Variants in CERS6 observed in about 807,000 individuals in gnomAD.
The protein encoded by CERS6 is ceramide synthase 6, also known as LAG1 homolog, ceramide synthase 6.
Under a neutral mutation model 56.8 loss-of-function variants are expected in CERS6, and 26 were observed. The ratio of observed to expected loss-of-function variants is 0.46; its 90% CI spans 0.34 to 0.63. The LOEUF (loss-of-function observed/expected upper bound fraction) is 0.63, where lower values mean the gene tolerates loss of function less well. CERS6 is among the 30% of genes least tolerant of loss of function. The probability of loss-of-function intolerance (pLI) is 0.01; values close to 1 mark genes in which losing one functional copy is unlikely to be tolerated. For missense variants in CERS6, 415 were observed against 467.5 expected, an observed-to-expected ratio of 0.89 and a Z score of 1.04; for synonymous variants, 164 against 173.3, an observed-to-expected ratio of 0.95 and a Z score of 0.42.
intron 2 of CERS6, among the ~76,000 whole-genome samples, chr2:168,552,136 T>C (rs1695583683): frequency 6.6e-6 from 1 of 152,176 alleles, no homozygotes. Flanking sequence ...TCCTCAATAA[T>C]CTATTTCCTT....
At chr2:168,466,490 A>G (rs2105321092) in intron 1 of CERS6, among the ~76,000 whole-genome samples, 1 of 152,338 alleles carries the variant, frequency 6.6e-6, no homozygotes. Context: ...CAAATGATTC[A>G]AACACTTGAG....
chr2:168,511,006 T>A (rs7599295), intron 1 of CERS6, among the ~76,000 whole-genome samples: 13,630 of 152,218 alleles, frequency 0.09, 1,223 homozygotes, highest in African/African-American at 0.22. Context: ...TATAGCACCC[T>A]CACTGTTTAT....
At chr2:168,591,835 A>G (rs1683678269) in intron 3 of CERS6, among the ~76,000 whole-genome samples, 1 of 152,252 alleles carries the variant, frequency 6.6e-6, no homozygotes, top group South Asian at 2.1e-4. Context: ...AAACTTCGTT[A>G]GATTTTAGAG....
chr2:168,552,320 T>A, intron 2 of CERS6, among the ~76,000 whole-genome samples: 2 of 134,490 alleles, frequency 1.5e-5, no homozygotes, highest in African/African-American at 5.6e-5. Context: ...GAAAGAACAA[T>A]AAGAAACCCC....
intron 2 of CERS6, among the ~76,000 whole-genome samples, chr2:168,553,014 C>T (rs1246343419): frequency 1.3e-5 from 2 of 151,790 alleles, no homozygotes; most frequent in African/African-American, 4.8e-5. Context: ...AATATAAGAA[C>T]TAAAGAAAGA....
intron 3 of CERS6, among the ~76,000 whole-genome samples, chr2:168,572,752 A>G (rs1241393912): frequency 6.6e-6 from 1 of 152,038 alleles, no homozygotes. Context: ...GAGCACTTGG[A>G]GACTTGCCGT....
At chr2:168,597,436 C>G (rs1052602654) in intron 3 of CERS6, among the ~76,000 whole-genome samples, 5 of 152,140 alleles carry the variant, frequency 3.3e-5, no homozygotes, top group Non-Finnish European at 5.9e-5. Flanking sequence ...ATGAATCTGT[C>G]GGATGACCAC....
At chr2:168,525,121 A>C (rs1240975472) in intron 1 of CERS6, among the ~76,000 whole-genome samples, 1 of 152,204 alleles carries the variant, frequency 6.6e-6, no homozygotes, top group Non-Finnish European at 1.5e-5. Context: ...CCACAGGTGC[A>C]GTGTGGGCTG....
At chr2:168,525,244 G>T (rs73020568) in intron 1 of CERS6, among the ~76,000 whole-genome samples, 6,419 of 152,246 alleles carry the variant, frequency 0.042, 446 homozygotes, top group African/African-American at 0.14. Flanking sequence ...TTAAACCCAG[G>T]TTGCTAGGCC....
chr2:168,563,804 G>C (rs1695835800), intron 3 of CERS6, among the ~76,000 whole-genome samples: 1 of 152,054 alleles, frequency 6.6e-6, no homozygotes. Flanking sequence ...CTCAAAAAAA[G>C]AAAATAACCA....
At chr2:168,459,523 A>C (rs969220782) in intron 1 of CERS6, among the ~76,000 whole-genome samples, 1 of 152,210 alleles carries the variant, frequency 6.6e-6, no homozygotes, top group African/African-American at 2.4e-5. Flanking sequence ...GAGTCTGTGA[A>C]GATCTCAAAG....
intron 3 of CERS6, among the ~76,000 whole-genome samples, chr2:168,625,188 A>T (rs1181045405): frequency 6.6e-6 from 1 of 152,206 alleles, no homozygotes; most frequent in African/African-American, 2.4e-5. Flanking sequence ...CGATTTCAGA[A>T]TCAAAAGAAC....
intron 3 of CERS6, among the ~76,000 whole-genome samples, chr2:168,569,706 C>A (rs1032147323): frequency 1.3e-5 from 2 of 152,158 alleles, no homozygotes; most frequent in African/African-American, 4.8e-5. Flanking sequence ...GGTAGCAGGA[C>A]CAGTGGGTCA....
At chr2:168,712,853 C>T (rs971158460) in intron 6 of CERS6, among the ~76,000 whole-genome samples, 1 of 151,892 alleles carries the variant, frequency 6.6e-6, no homozygotes, top group African/African-American at 2.4e-5. Flanking sequence ...GTAAGACTAG[C>T]TTCCTCATCA....
Position 168,536,504 on chromosome 2 carries a change from A to G in CERS6, c.171-11092A>G, listed in dbSNP as rs150371843. On this transcript the variant is annotated intron_variant, in intron 1 of 9. Transcript: ENST00000305747. ...GATAGATATATTAATCTGCTTCACT[A>G]TAGTAGCCATTTTACTATATATGTA... Among the ~76,000 whole-genome samples, 21 of 152,300 alleles carry G rather than the reference A, an allele frequency of 1.4e-4. 1 individual carries two copies. Among genetic ancestry groups the G allele is most frequent in the East Asian group, 9.6e-4 (5 of 5,194 alleles).
intron 1 of CERS6, among the ~76,000 whole-genome samples, chr2:168,520,964 C>A (rs753035970): frequency 3.3e-5 from 5 of 152,058 alleles, no homozygotes; most frequent in Non-Finnish European, 4.4e-5. Context: ...CTATACTCTT[C>A]TCCTCCCTGC....
At chr2:168,523,471 T>C (rs1695018823) in intron 1 of CERS6, among the ~76,000 whole-genome samples, 1 of 151,634 alleles carries the variant, frequency 6.6e-6, no homozygotes, top group Non-Finnish European at 1.5e-5. Flanking sequence ...ATAAAAGGGG[T>C]GTTTTGTTTG....
At chr2:168,521,528 G>A (rs1230679372) in intron 1 of CERS6, among the ~76,000 whole-genome samples, 2 of 152,130 alleles carry the variant, frequency 1.3e-5, no homozygotes, top group African/African-American at 4.8e-5. Context: ...GGCAGAGCAG[G>A]AGATGGTGAT....
intron 1 of CERS6, among the ~76,000 whole-genome samples, chr2:168,526,598 A>G (rs1383178189): frequency 6.6e-6 from 1 of 152,254 alleles, no homozygotes; most frequent in African/African-American, 2.4e-5. Flanking sequence ...AAACTGACTC[A>G]GGGAGGTAAA....
Sources: allele counts gnomAD v4.1 joint callset (sites outside exome capture counted in the v4.1 genomes callset), GRCh38; gene constraint gnomAD v4.1.1; transcripts MANE v1.5; gene names NCBI Gene and HGNC (gene_info 2026-07-23, HGNC 2026-07-21).